Variants in PLD5 observed in about 807,000 individuals in gnomAD.
The protein encoded by PLD5 is phospholipase D family member 5, also known as inactive phospholipase D5.
Under a neutral mutation model 61.1 loss-of-function variants are expected in PLD5, and 36 were observed. That is an observed-to-expected ratio of 0.59 (90% CI 0.45 to 0.78). The LOEUF (loss-of-function observed/expected upper bound fraction) is 0.78, where lower values mean the gene tolerates loss of function less well. Among genes scored for constraint, PLD5 ranks in the 30% least tolerant of loss-of-function variants. PLD5 has a pLI of 0.00. For synonymous variants in PLD5, 243 were observed against 242.8 expected, an observed-to-expected ratio of 1.00 and a Z score of -0.01; for missense variants, 515 against 644.4, an observed-to-expected ratio of 0.80 and a Z score of 2.17.
At chr1:242,383,735 C>T (rs548706801) in intron 1 of PLD5, among the ~76,000 whole-genome samples, 170 of 152,136 alleles carry the variant, frequency 1.1e-3, no homozygotes, top group African/African-American at 3.8e-3. Flanking sequence ...AATTTGAAGA[C>T]GAGGCTGCAT....
At chr1:242,396,174 T>A (rs114012708) in intron 1 of PLD5, among the ~76,000 whole-genome samples, 5,461 of 152,272 alleles carry the variant, frequency 0.036, 129 homozygotes, top group Non-Finnish European at 0.053. Flanking sequence ...CAGGACCAGA[T>A]GTGGATGAGC....
intron 1 of PLD5, among the ~76,000 whole-genome samples, chr1:242,389,134 A>G (rs1018934492): frequency 1.3e-5 from 2 of 152,096 alleles, no homozygotes; most frequent in Non-Finnish European, 2.9e-5. Flanking sequence ...AGGCATAATA[A>G]CACGAGTCTG....
chr1:242,369,747 T>C (rs1289199337), intron 1 of PLD5, among the ~76,000 whole-genome samples: 1 of 152,182 alleles, frequency 6.6e-6, no homozygotes, highest in Non-Finnish European at 1.5e-5. Context: ...AAGAGAGCTG[T>C]CTATTCTTGG....
chr1:242,215,043 ATTTTTTTT>A (rs34759131), intron 5 of PLD5, among the ~76,000 whole-genome samples: 3 of 120,616 alleles, frequency 2.5e-5, no homozygotes, highest in African/African-American at 9.5e-5. Context: ...TGCCTGGCCA[ATTTTTTTT>A]TTTTTTTTTT....
chr1:242,377,447 G>T (rs1662028594), intron 1 of PLD5: 2 of 762,036 alleles, frequency 2.6e-6, no homozygotes, highest in African/African-American at 1.7e-5. Flanking sequence ...CCTCCTCACT[G>T]GTGGCATCTG....
At chr1:242,389,076 A>C (rs1662770213) in intron 1 of PLD5, among the ~76,000 whole-genome samples, 1 of 151,744 alleles carries the variant, frequency 6.6e-6, no homozygotes, top group African/African-American at 2.4e-5. Context: ...AAAATCATTG[A>C]GAAACTAGGG....
chr1:242,242,012 G>T (rs61845475), intron 4 of PLD5, among the ~76,000 whole-genome samples: 31,272 of 104,640 alleles, frequency 0.3, 4,761 homozygotes, highest in East Asian at 0.4. Context: ...TATATATATA[G>T]ACACACACAC....
At chr1:242,104,822 G>A (rs1228737637) in intron 8 of PLD5, among the ~76,000 whole-genome samples, 1 of 152,190 alleles carries the variant, frequency 6.6e-6, no homozygotes, top group Non-Finnish European at 1.5e-5. Context: ...GTCTGGCTGT[G>A]TGGTTATGAA....
intron 5 of PLD5, among the ~76,000 whole-genome samples, chr1:242,208,609 A>G (rs1450815457): frequency 6.6e-6 from 1 of 152,132 alleles, no homozygotes; most frequent in African/African-American, 2.4e-5. Flanking sequence ...CCAGATAACA[A>G]GCAGATCTTG....
intron 5 of PLD5, among the ~76,000 whole-genome samples, chr1:242,152,980 A>G (rs931922003): frequency 6.6e-6 from 1 of 152,106 alleles, no homozygotes; most frequent in Admixed American, 6.5e-5. Flanking sequence ...CCAACAGTGT[A>G]AAAGTGTTCC....
chr1:242,151,166 A>G (rs1371558903), intron 5 of PLD5, among the ~76,000 whole-genome samples: 1 of 151,930 alleles, frequency 6.6e-6, no homozygotes, highest in Non-Finnish European at 1.5e-5. Flanking sequence ...ATATATTGTT[A>G]TGTTTTCCTA....
At chr1:242,333,199 C>T (rs932928961) in intron 2 of PLD5, among the ~76,000 whole-genome samples, 1 of 152,152 alleles carries the variant, frequency 6.6e-6, no homozygotes, top group Admixed American at 6.5e-5. Context: ...AGTAGCAGAA[C>T]TTTGCACATA....
At chr1:242,168,008 GC>G (rs1207261265) in intron 5 of PLD5, among the ~76,000 whole-genome samples, 1 of 152,174 alleles carries the variant, frequency 6.6e-6, no homozygotes, top group Admixed American at 6.5e-5. Flanking sequence ...ATGCTGAGGT[GC>G]CACTGCAAAT....
chr1:242,401,010 T>C (rs1193458006), intron 1 of PLD5, among the ~76,000 whole-genome samples: 2 of 152,178 alleles, frequency 1.3e-5, no homozygotes, highest in African/African-American at 4.8e-5. Context: ...AACTGCCCAC[T>C]GAACATCACC....
chr1:242,462,983 T>C (rs1667164704), intron 1 of PLD5, among the ~76,000 whole-genome samples: 1 of 152,220 alleles, frequency 6.6e-6, no homozygotes, highest in Admixed American at 6.5e-5. Context: ...CTTCATTTCC[T>C]TAAACCATCA....
intron 1 of PLD5, among the ~76,000 whole-genome samples, chr1:242,415,994 T>C (rs1042374554): frequency 3.3e-5 from 5 of 152,168 alleles, no homozygotes; most frequent in Admixed American, 2.6e-4. Context: ...TTAACCTAAA[T>C]GTGTATGTAC....
intron 5 of PLD5, among the ~76,000 whole-genome samples, chr1:242,195,870 T>C (rs1468980220): frequency 6.6e-6 from 1 of 152,166 alleles, no homozygotes; most frequent in Non-Finnish European, 1.5e-5. Context: ...AATGGATAAA[T>C]AAGGATTCAA....
chr1:242,244,628 G>C (rs1017870525), intron 4 of PLD5, among the ~76,000 whole-genome samples: 1 of 152,208 alleles, frequency 6.6e-6, no homozygotes, highest in African/African-American at 2.4e-5. Context: ...CGGCTACTAG[G>C]AAGTAAGGTG....
intron 4 of PLD5, among the ~76,000 whole-genome samples, chr1:242,221,223 A>G (rs1383856494): frequency 1.3e-5 from 2 of 152,222 alleles, no homozygotes; most frequent in Admixed American, 1.3e-4. Context: ...AAACCTCTCA[A>G]AAGGAGCATA....
Sources: gnomAD v4.1 joint callset for allele counts (sites outside exome capture counted in the v4.1 genomes callset) on GRCh38, gnomAD v4.1.1 for gene constraint, MANE v1.5 for transcripts, NCBI Gene and HGNC (gene_info 2026-07-23, HGNC 2026-07-21) for gene names.